Variants in HIVEP3 observed in about 807,000 individuals in gnomAD.
HIVEP3 encodes transcription factor HIVEP3.
In HIVEP3, 49 loss-of-function variants were observed where a neutral mutation model predicts 152.8. The ratio of observed to expected loss-of-function variants is 0.32; its 90% confidence interval spans 0.26 to 0.41. HIVEP3 has a LOEUF of 0.41. HIVEP3 is among the 10% of genes least tolerant of loss of function. HIVEP3 has a pLI of 1.00. For synonymous variants in HIVEP3, 1,269 were observed against 1,289.0 expected, an observed-to-expected ratio of 0.98 and a Z score of 0.33; for missense variants, 2,790 against 3,103.3, an observed-to-expected ratio of 0.90 and a Z score of 2.40.
intron 5 of HIVEP3, among the ~76,000 whole-genome samples, chr1:41,537,341 CA>C (rs1643425995): frequency 6.6e-6 from 1 of 152,284 alleles, no homozygotes; most frequent in Admixed American, 6.5e-5. Context: ...GCTTTCCTCC[CA>C]GGGGGCACAC....
At chr1:41,840,631 C>T (rs1643259410) in intron 1 of HIVEP3, among the ~76,000 whole-genome samples, 1 of 152,148 alleles carries the variant, frequency 6.6e-6, no homozygotes, top group African/African-American at 2.4e-5. Context: ...TCACGAGACC[C>T]TACATTCTCA....
intron 1 of HIVEP3, among the ~76,000 whole-genome samples, chr1:41,730,921 GA>G (rs933541476): frequency 6.6e-6 from 1 of 152,168 alleles, no homozygotes; most frequent in African/African-American, 2.4e-5. Flanking sequence ...TGTTTGTGAA[GA>G]GGAGCAAGGA....
intron 2 of HIVEP3, among the ~76,000 whole-genome samples, chr1:41,689,370 G>C (rs1375096220): frequency 6.6e-6 from 1 of 152,186 alleles, no homozygotes; most frequent in Non-Finnish European, 1.5e-5. Context: ...GAGTGAACTC[G>C]CCAACTTAGT....
At chr1:41,719,827 C>A (rs1343512687) in intron 1 of HIVEP3, among the ~76,000 whole-genome samples, 2 of 152,196 alleles carry the variant, frequency 1.3e-5, no homozygotes, top group Non-Finnish European at 2.9e-5. Context: ...AACCACTAAG[C>A]CTTGGAGAAG....
chr1:42,030,011 G>C (rs1011116548), intron 1 of HIVEP3, among the ~76,000 whole-genome samples: 5 of 152,284 alleles, frequency 3.3e-5, no homozygotes, highest in Non-Finnish European at 7.4e-5. Flanking sequence ...TGCTGCAAAA[G>C]GTCATTTCAT....
Position 41,607,988 on chromosome 1 carries a change from G to A in HIVEP3, c.-522+20761C>T, listed in dbSNP as rs77867430. ...TTGCACTTGTCATTTCAGCTCACAC[G>A]AGCCCATGGCCACTCCTAGCTGCTA... On this transcript the variant is annotated intron_variant, in intron 3 of 8. Transcript: ENST00000372583. Among the ~76,000 whole-genome samples, 26 of 152,300 alleles carry A rather than the reference G, an allele frequency of 1.7e-4. No homozygotes were observed. The East Asian group carries it at 2.3e-3, about 14-fold the overall frequency.
intron 5 of HIVEP3, among the ~76,000 whole-genome samples, chr1:41,568,961 C>A (rs994589619): frequency 6.6e-6 from 1 of 152,120 alleles, no homozygotes; most frequent in Non-Finnish European, 1.5e-5. Context: ...TTCATACTGT[C>A]GTCACTATAG....
At chr1:41,550,151 G>T (rs1643879745) in intron 5 of HIVEP3, among the ~76,000 whole-genome samples, 1 of 152,126 alleles carries the variant, frequency 6.6e-6, no homozygotes, top group Admixed American at 6.5e-5. Context: ...CCCATTTCTT[G>T]TTTTTGTCAT....
chr1:41,513,826 GC>G, intron 7 of HIVEP3, 76 bp from the exon 8 acceptor site: 1 of 1,267,184 alleles, frequency 7.9e-7, no homozygotes, highest in Non-Finnish European at 1.0e-6. Context: ...TCCTCTCTGA[GC>G]CCCAGTTTCC....
At chr1:41,589,409 G>A (rs539489338) in intron 3 of HIVEP3, among the ~76,000 whole-genome samples, 87 of 152,236 alleles carry the variant, frequency 5.7e-4, no homozygotes, top group Non-Finnish European at 9.1e-4. Context: ...GAAGGAGATC[G>A]GGACTTGCTG....
chr1:41,571,106 G>A (rs555549368), intron 5 of HIVEP3, among the ~76,000 whole-genome samples: 13 of 152,174 alleles, frequency 8.5e-5, no homozygotes, highest in African/African-American at 1.4e-4. Context: ...CCTGCAGCAC[G>A]CAGGGTCTGG....
intron 1 of HIVEP3, among the ~76,000 whole-genome samples, chr1:41,943,832 T>C (rs903392419): frequency 1.3e-5 from 2 of 152,228 alleles, no homozygotes; most frequent in African/African-American, 4.8e-5. Context: ...AGAGTAACTT[T>C]CTAGTTACAA....
chr1:41,547,946 C>A (rs560699014), intron 5 of HIVEP3, among the ~76,000 whole-genome samples: 1 of 152,030 alleles, frequency 6.6e-6, no homozygotes, highest in South Asian at 2.1e-4. Context: ...TCCCTAGCAC[C>A]CCTTTCCTGC....
rs756121957 is a variant in HIVEP3 at position 41,580,969 on chromosome 1, G to T, written c.3829C>A (p.Pro1277Thr). 1 of 1,599,372 alleles carries T rather than the reference G, an allele frequency of 6.3e-7. No homozygotes were observed. Among genetic ancestry groups the T allele is most frequent in the Non-Finnish European group, 8.5e-7 (1 of 1,172,748 alleles). ...PLATGSAGLS[P>T]STEYSSDIRL... ...ATGTCACTGCTGTACTCTGTGCTGG[G>T]GGAGAGGCCAGCACTTCCTGTTGCC... Residue 1277 changes from proline (P) to threonine (T), a missense_variant, in exon 4 of 9, where the codon CCC becomes ACC. Pro to Thr is a conservative substitution (Grantham distance 38). Transcript: ENST00000372583.
In HIVEP3 at chr1:41,583,197, G is replaced by T. The variant is rs151333512; in HGVS notation, c.1601C>A (p.Pro534His). 12 of 1,609,086 alleles carry T rather than the reference G, an allele frequency of 7.5e-6. 1 individual carries two copies. The Admixed American group carries it at 1.2e-4, about 16-fold the overall frequency. ...SLQHPPSTAP[P>H]VPLLRSHSMP... is the part of the protein sequence containing the mutation. ...TGAGTGGCTTCTCAGGAGAGGCACA[G>T]GGGGGGCGGTACTGGGCGGGTGCTG... The change falls in exon 4 of 9, where the codon CCT becomes CAT. Residue 534 changes from proline to histidine, a missense_variant. This residue lies in a region of HIVEP3 where 339 missense variants were observed against 327.0 expected (regional missense o/e 1.04). Transcript: ENST00000372583. This position sits in a 1 kb window ranked among gnomAD's most constrained non-coding sequence, Gnocchi z 6.9.
At chr1:41,550,555 G>A (rs1437876009) in intron 5 of HIVEP3, among the ~76,000 whole-genome samples, 6 of 152,100 alleles carry the variant, frequency 3.9e-5, no homozygotes, top group African/African-American at 1.4e-4. Context: ...ATTGAGCAGT[G>A]GTTTCTTTGT....
chr1:41,550,092 G>A (rs138110430), intron 5 of HIVEP3, among the ~76,000 whole-genome samples: 1 of 152,042 alleles, frequency 6.6e-6, no homozygotes, highest in African/African-American at 2.4e-5. Context: ...TTTCTACATA[G>A]GGCTAGCCAG....
At chr1:41,923,976 T>C (rs1644954064) in intron 1 of HIVEP3, among the ~76,000 whole-genome samples, 1 of 152,154 alleles carries the variant, frequency 6.6e-6, no homozygotes, top group African/African-American at 2.4e-5. Context: ...GATAGGCTAA[T>C]TACTGGCCCC....
intron 2 of HIVEP3, among the ~76,000 whole-genome samples, chr1:41,690,925 A>G (rs1646189010): frequency 6.6e-6 from 1 of 152,222 alleles, no homozygotes; most frequent in Non-Finnish European, 1.5e-5. Context: ...TCTCAAAAAC[A>G]AAAACAAACA....
Sources: allele counts gnomAD v4.1 joint callset (sites outside exome capture counted in the v4.1 genomes callset), GRCh38; gene constraint gnomAD v4.1.1; regional missense constraint gnomAD v4.1.1; non-coding constraint Gnocchi (gnomAD v3.1); transcripts MANE v1.5; gene names NCBI Gene and HGNC (gene_info 2026-07-23, HGNC 2026-07-21).